Variants in TNFSF15 observed in about 807,000 individuals in gnomAD.
TNFSF15 encodes tumor necrosis factor ligand superfamily member 15.
A neutral mutation model predicts 26.4 loss-of-function variants in TNFSF15; 15 were observed. The observed-to-expected ratio is 0.57, with a 90% CI of 0.38 to 0.87. TNFSF15 has a LOEUF of 0.87. Among genes scored for constraint, TNFSF15 ranks in the 40% least tolerant of loss-of-function variants. The pLI is 0.00. For synonymous variants in TNFSF15, 116 were observed against 115.0 expected (o/e 1.01, Z -0.06); for missense variants, 290 against 306.1 (o/e 0.95, Z 0.39).
At chr9:114,798,514 C>T (rs191543228) in intron 1 of TNFSF15, among the ~76,000 whole-genome samples, 400 of 152,124 alleles carry the variant, frequency 2.6e-3, no homozygotes, top group Admixed American at 5.6e-3. Flanking sequence ...GTGGAATGCT[C>T]CCCAGGTGCC....
At chr9:114,799,970 A>G (rs914111714) in intron 1 of TNFSF15, among the ~76,000 whole-genome samples, 16 of 152,234 alleles carry the variant, frequency 1.1e-4, no homozygotes, top group African/African-American at 3.6e-4. Context: ...TAGCAAGGGC[A>G]TCTTCACTGA....
At position 114,789,914 on chromosome 9, in the gene TNFSF15, AC is replaced by A. The variant is rs1829566943; in HGVS notation, c.*537del. ...ATGAAAACCAACTCCTTCTGTGTGA[AC>A]ATTCATGAGACATACCAACTCTCTT... On this transcript the variant is annotated 3_prime_UTR_variant, in exon 4 of 4. Transcript: ENST00000374045. 6.5e-6 allele frequency: 1 copy of A among 153,036 alleles called. No homozygotes were observed. Among genetic ancestry groups the A allele is most frequent in the African/African-American group, 2.4e-5 (1 of 41,460 alleles). 9.5% of individuals were successfully genotyped at this position (153,036 alleles called of 1,614,324 possible). A position where few individuals can be genotyped will look rare whatever the true frequency, so the allele number is the denominator to read the frequency against.
At chr9:114,792,809 G>A (rs1829624446) in intron 2 of TNFSF15, among the ~76,000 whole-genome samples, 1 of 152,202 alleles carries the variant, frequency 6.6e-6, no homozygotes, top group Non-Finnish European at 1.5e-5. Context: ...GCTCAATAAA[G>A]CACAACTCAC....
At chr9:114,798,236 C>T (rs751053444) in intron 1 of TNFSF15, among the ~76,000 whole-genome samples, 4 of 152,158 alleles carry the variant, frequency 2.6e-5, no homozygotes, top group Non-Finnish European at 5.9e-5. Flanking sequence ...TGTCCATAAG[C>T]ATGCATCTTA....
chr9:114,792,736 T>A (rs1396900814), intron 2 of TNFSF15, among the ~76,000 whole-genome samples: 1 of 152,200 alleles, frequency 6.6e-6, no homozygotes, highest in Non-Finnish European at 1.5e-5. Context: ...TGTTTTCTCA[T>A]CTCATCTAAG....
intron 1 of TNFSF15, among the ~76,000 whole-genome samples, chr9:114,803,269 C>T (rs969772280): frequency 5.3e-5 from 8 of 152,156 alleles, no homozygotes; most frequent in South Asian, 4.1e-4. Flanking sequence ...GTGATGATCA[C>T]GTCACAGCCA....
At position 114,799,416 on chromosome 9, in the gene TNFSF15, C is replaced by T. The variant is rs1829712035; in HGVS notation, c.211-5848G>A. Reference sequence around the variant, plus strand: ...GCACATCCTCTTTTTGGTCTTAGGACTTCAGTTGTACACAGAAGCCACCCT... The same window carrying T: ...GCACATCCTCTTTTTGGTCTTAGGATTTCAGTTGTACACAGAAGCCACCCT... On this transcript the variant is annotated intron_variant, in intron 1 of 3. Coordinates refer to ENST00000374045, the MANE Select transcript of TNFSF15 (RefSeq NM_005118.4). 1.3e-5 allele frequency among the ~76,000 whole-genome samples: 2 copies of T among 152,168 alleles called. 1 individual carries two copies. Among genetic ancestry groups the T allele is most frequent in the South Asian group, 4.1e-4 (2 of 4,828 alleles).
chr9:114,790,944 GA>G, intron 3 of TNFSF15, 38 bp from the exon 4 acceptor site: 1 of 1,601,032 alleles, frequency 6.2e-7, no homozygotes, highest in Non-Finnish European at 8.6e-7. Context: ...TTCTCATTGG[GA>G]AACTGTAGAC....
intron 1 of TNFSF15, among the ~76,000 whole-genome samples, chr9:114,801,563 C>CATA: frequency 6.6e-6 from 1 of 152,112 alleles, no homozygotes. Context: ...ATTCCCTGGT[C>CATA]ATAATAATAA....
rs1238253306 is a variant in TNFSF15 at position 114,792,425 on chromosome 9, G to T, written c.283C>A (p.Pro95Thr). 6.2e-7 allele frequency: 1 copy of T among 1,614,098 alleles called. No homozygotes were observed. Among genetic ancestry groups the T allele is most frequent in the Non-Finnish European group, 8.5e-7 (1 of 1,179,968 alleles). The change falls in exon 3 of 4, where the codon CCA becomes ACA. Residue 95 changes from proline to threonine, a missense_variant. Transcript: ENST00000374045. ...GGCTTACCTGTCAGGTGTGCCCTTG[G>T]CTTATCTCCGTCTGCTCTAAGAGGT... ...YAPLRADGDK[P>T]RAHLTVVRQT...
chr9:114,802,546 C>T (rs755402562), intron 1 of TNFSF15, among the ~76,000 whole-genome samples: 2 of 152,148 alleles, frequency 1.3e-5, no homozygotes, highest in Non-Finnish European at 2.9e-5. Context: ...CCACTGTGCC[C>T]GGCCAGATTT....
At chr9:114,803,628 T>C (rs1829776835) in intron 1 of TNFSF15, among the ~76,000 whole-genome samples, 1 of 152,202 alleles carries the variant, frequency 6.6e-6, no homozygotes. Context: ...CCCTGGACCT[T>C]TGAGCTCTGG....
intron 1 of TNFSF15, among the ~76,000 whole-genome samples, chr9:114,794,563 G>A (rs375919047): frequency 3.9e-5 from 6 of 152,232 alleles, no homozygotes; most frequent in African/African-American, 1.4e-4. Context: ...AGGGATACTT[G>A]CGCTCACATG....
chr9:114,786,589 T>C lies in TNFSF15; in HGVS notation c.*3863A>G, dbSNP rs984860101. 6.6e-6 allele frequency: 1 copy of C among 152,240 alleles called. No homozygotes were observed. Among genetic ancestry groups the C allele is most frequent in the Admixed American group, 6.5e-5 (1 of 15,294 alleles). The allele number at this position is 152,240 out of a possible 1,614,324, so 9.4% of individuals were successfully genotyped here. ...TATTTCAGGAAGTGAAAACGTACACTTTTCCCTTTTCTTACTGTACCTTAG... is the reference window on the plus strand; with the variant it reads ...TATTTCAGGAAGTGAAAACGTACACCTTTCCCTTTTCTTACTGTACCTTAG... On this transcript the variant is annotated 3_prime_UTR_variant, in exon 4 of 4. Coordinates refer to ENST00000374045, the MANE Select transcript of TNFSF15 (RefSeq NM_005118.4).
In TNFSF15 at chr9:114,787,117, C is replaced by G. The variant is rs1006352308; in HGVS notation, c.*3335G>C. 1 of 151,822 alleles carries G rather than the reference C, an allele frequency of 6.6e-6. No homozygotes were observed. Among genetic ancestry groups the G allele is most frequent in the African/African-American group, 2.4e-5 (1 of 41,290 alleles). The allele number at this position is 151,822 out of a possible 1,614,324, so 9.4% of individuals were successfully genotyped here. ...CTAATATTTTTAAGGGTATTGATGA[C>G]CAAACTTGAATATAGCAAATAATAA... is the stretch of plus-strand genomic sequence containing the variant. On this transcript the variant is annotated 3_prime_UTR_variant, in exon 4 of 4. Transcript: ENST00000374045.
In TNFSF15 at chr9:114,790,430, T is replaced by C. The variant is rs1564344019; in HGVS notation, c.*22A>G. 1.3e-6 allele frequency: 2 copies of C among 1,543,830 alleles called. No individual in the cohort carries two copies. The highest frequency in any genetic ancestry group is 2.3e-5 in the East Asian group (1 of 44,172). ...GGAACTCGGTGGCAGAGGACTTTCA[T>C]ATAATGATATTTGCTCTCCTCCTAT... On this transcript the variant is annotated 3_prime_UTR_variant, in exon 4 of 4. Coordinates refer to ENST00000374045, the MANE Select transcript of TNFSF15 (RefSeq NM_005118.4).
chr9:114,786,747 C>A lies in TNFSF15; in HGVS notation c.*3705G>T, dbSNP rs1374066707. The A allele has an allele frequency of 2.6e-5, 4 of 151,774 alleles. No individual in the cohort carries two copies. The highest frequency in any genetic ancestry group is 5.9e-5 in the Non-Finnish European group (4 of 67,990). The allele number at this position is 151,774 out of a possible 1,614,324, so 9.4% of individuals were successfully genotyped here. A position where few individuals can be genotyped will look rare whatever the true frequency, so the allele number is the denominator to read the frequency against. On this transcript the variant is annotated 3_prime_UTR_variant, in exon 4 of 4. Coordinates refer to ENST00000374045, the MANE Select transcript of TNFSF15 (RefSeq NM_005118.4). ...CTAACACGGTGAAACCCCGTCTCTA[C>A]TAAAAATGCAAAAAATTAGCCGGGC...
intron 1 of TNFSF15, among the ~76,000 whole-genome samples, 155 bp downstream of exon 1, chr9:114,805,648 C>T (rs1564348448): frequency 6.6e-6 from 1 of 152,150 alleles, no homozygotes; most frequent in African/African-American, 2.4e-5. Flanking sequence ...CAAATTGAAC[C>T]TCTCCACCCC....
rs75493672 is a variant in TNFSF15, at chr9:114,801,355, C to G, written c.210+4448G>C. Among the ~76,000 whole-genome samples, 112 of 152,224 alleles carry G rather than the reference C, an allele frequency of 7.4e-4. 2 individuals carry two copies. The East Asian group carries it at 0.014, about 18-fold the overall frequency. ...CAGCCTACAGGGCTGTCAAGTGCAGCTGGGTAAAAAATGGATTGAGGAATT... is the reference window on the plus strand; with the variant it reads ...CAGCCTACAGGGCTGTCAAGTGCAGGTGGGTAAAAAATGGATTGAGGAATT... On this transcript the variant is annotated intron_variant, in intron 1 of 3. Coordinates refer to ENST00000374045, the MANE Select transcript of TNFSF15 (RefSeq NM_005118.4).
Sources: allele counts gnomAD v4.1 joint callset (sites outside exome capture counted in the v4.1 genomes callset), GRCh38; gene constraint gnomAD v4.1.1; transcripts MANE v1.5; gene names NCBI Gene and HGNC (gene_info 2026-07-23, HGNC 2026-07-21).